MYO1E: variants seen among roughly 807,000 people sequenced by gnomAD.
MYO1E encodes myosin IE.
In MYO1E, 68 loss-of-function variants were observed where a neutral mutation model predicts 151.1. The ratio of observed to expected loss-of-function variants is 0.45; its 90% confidence interval spans 0.37 to 0.55. The LOEUF is 0.55. Among genes scored for constraint, MYO1E ranks in the 20% least tolerant of loss-of-function variants. The pLI, the probability that MYO1E is intolerant of heterozygous loss-of-function variation, is 0.00. For synonymous variants in MYO1E, 601 were observed against 501.7 expected, an observed-to-expected ratio of 1.20 and a Z score of -2.64; for missense variants, 1,363 against 1,389.3, an observed-to-expected ratio of 0.98 and a Z score of 0.30.
chr15:59,161,297 G>A, intron 23 of MYO1E, 67 bp from the exon 24 acceptor site: 10 of 1,531,636 alleles, frequency 6.5e-6, no homozygotes, highest in African/African-American at 1.4e-5. Flanking sequence ...CAGAGATCCC[G>A]CCACGGAGTT....
chr15:59,338,836 T>A (rs542936255), intron 1 of MYO1E, among the ~76,000 whole-genome samples: 45 of 152,126 alleles, frequency 3.0e-4, no homozygotes, highest in Non-Finnish European at 5.4e-4. Context: ...GTGCACCCTA[T>A]AAATAAAACA....
At chr15:59,257,928 A>C (rs1644904240) in intron 3 of MYO1E, among the ~76,000 whole-genome samples, 1 of 152,238 alleles carries the variant, frequency 6.6e-6, no homozygotes, top group Admixed American at 6.5e-5. Context: ...TTAATTTAAC[A>C]GAGTTTAACT....
chr15:59,372,474 T>G, intron 1 of MYO1E, 24 bp downstream of exon 1: 1 of 1,538,198 alleles, frequency 6.5e-7, no homozygotes, highest in East Asian at 2.5e-5. Flanking sequence ...TCCGGCGTCC[T>G]AGGACGCGGC....
In MYO1E at chr15:59,171,359, C is replaced by T. The variant is rs190209744; in HGVS notation, c.2480+538G>A. On this transcript the variant is annotated intron_variant, in intron 22 of 27. Coordinates refer to ENST00000288235, the MANE Select transcript of MYO1E (RefSeq NM_004998.4). ...GAGGAGCAAGGGCCCTTCCTGAGGC[C>T]TTGTGGAAGCAAACACCACTCCCCA... The T allele has an allele frequency of 5.3e-4, 90 of 168,940 alleles. 1 individual carries two copies. The highest frequency in any genetic ancestry group is 2.0e-3 in the African/African-American group (85 of 41,718). 10.5% of individuals were successfully genotyped at this position (168,940 alleles called of 1,614,324 possible). A position where few individuals can be genotyped will look rare whatever the true frequency, so the allele number is the denominator to read the frequency against.
intron 4 of MYO1E, among the ~76,000 whole-genome samples, chr15:59,248,579 T>C (rs1278817840): frequency 6.8e-6 from 1 of 147,520 alleles, no homozygotes. Context: ...GCATAGGAAA[T>C]ATCCAAGGTC....
At chr15:59,340,225 G>A (rs1003345017) in intron 1 of MYO1E, among the ~76,000 whole-genome samples, 2 of 152,002 alleles carry the variant, frequency 1.3e-5, no homozygotes, top group African/African-American at 2.4e-5. Context: ...CATGAGGATC[G>A]CTTGAACCCA....
At chr15:59,280,035 T>C (rs780747371) in intron 1 of MYO1E, among the ~76,000 whole-genome samples, 2 of 152,226 alleles carry the variant, frequency 1.3e-5, no homozygotes, top group Admixed American at 6.5e-5. Context: ...GAATGAAATA[T>C]ATAAATGTCT....
chr15:59,214,507 A>G, intron 11 of MYO1E, 133 bp downstream of exon 11: 2 of 1,022,330 alleles, frequency 2.0e-6, no homozygotes, highest in Non-Finnish European at 3.1e-6. Context: ...GGCAAAAATG[A>G]GCCTGAGTTG....
At chr15:59,143,151 T>C (rs2079421011) in intron 26 of MYO1E, among the ~76,000 whole-genome samples, 1 of 152,148 alleles carries the variant, frequency 6.6e-6, no homozygotes, top group African/African-American at 2.4e-5. Context: ...ACCTCCGAAA[T>C]TACCCGGGGA....
intron 1 of MYO1E, among the ~76,000 whole-genome samples, chr15:59,341,579 AAGTG>A (rs764847899): frequency 2.1e-4 from 32 of 152,360 alleles, no homozygotes; most frequent in Middle Eastern, 3.4e-3. Flanking sequence ...TCCCACAAAT[AAGTG>A]AGAAAATATG....
intron 18 of MYO1E, among the ~76,000 whole-genome samples, chr15:59,184,314 C>T (rs745728617): frequency 7.2e-5 from 11 of 151,844 alleles, no homozygotes; most frequent in Non-Finnish European, 1.3e-4. Flanking sequence ...GCCTGGATCT[C>T]ATTATTTTTT....
intron 3 of MYO1E, among the ~76,000 whole-genome samples, chr15:59,260,334 G>A (rs1190350256): frequency 2.6e-5 from 4 of 152,246 alleles, no homozygotes; most frequent in Non-Finnish European, 4.4e-5. Flanking sequence ...ATTATCAAAG[G>A]TCTTTCGCGT....
At chr15:59,277,893 G>C (rs971808127) in intron 1 of MYO1E, among the ~76,000 whole-genome samples, 14 of 152,190 alleles carry the variant, frequency 9.2e-5, no homozygotes, top group Non-Finnish European at 1.9e-4. Flanking sequence ...TGCTATAATT[G>C]TTTTGTTGGT....
chr15:59,144,580 C>T (rs1285108054), intron 26 of MYO1E, among the ~76,000 whole-genome samples: 1 of 152,102 alleles, frequency 6.6e-6, no homozygotes, highest in East Asian at 1.9e-4. Context: ...CAGGTGTAAG[C>T]CACCGCACCG....
chr15:59,296,839 CTTT>C (rs10717328), intron 1 of MYO1E, among the ~76,000 whole-genome samples: 6 of 125,544 alleles, frequency 4.8e-5, no homozygotes, highest in Non-Finnish European at 3.3e-5. Flanking sequence ...ATACTTTTTT[CTTT>C]TTTTTTTTTT....
chr15:59,149,759 A>C (rs1217315633), intron 26 of MYO1E, among the ~76,000 whole-genome samples: 2 of 152,230 alleles, frequency 1.3e-5, no homozygotes, highest in Admixed American at 1.3e-4. Flanking sequence ...AAGGAAAGAT[A>C]AACTCAGAAT....
At position 59,334,284 on chromosome 15, in the gene MYO1E, A is replaced by AAAAT. The variant is rs1217370971; in HGVS notation, c.3+38210_3+38213dup. ...GGGTAACCAAATGAGACCCTGTCTC[A>AAAAT]AAATAAATAAATAAGTAAAAATAAC... On this transcript the variant is annotated intron_variant, in intron 1 of 27. Coordinates refer to ENST00000288235, the MANE Select transcript of MYO1E (RefSeq NM_004998.4). 5.3e-5 allele frequency among the ~76,000 whole-genome samples: 8 copies of AAAAT among 152,318 alleles called. No homozygotes were observed. The South Asian group carries it at 8.3e-4, about 16-fold the overall frequency.
chr15:59,362,553 A>G (rs1401554651), intron 1 of MYO1E, among the ~76,000 whole-genome samples: 1 of 152,254 alleles, frequency 6.6e-6, no homozygotes, highest in Non-Finnish European at 1.5e-5. Context: ...ATCATTTTGC[A>G]TTGATGCATA....
At chr15:59,241,315 C>T (rs373589010) in intron 4 of MYO1E, among the ~76,000 whole-genome samples, 6 of 152,104 alleles carry the variant, frequency 3.9e-5, no homozygotes, top group African/African-American at 9.7e-5. Flanking sequence ...TAGCAAACAG[C>T]AAGATCTCGT....
Sources: allele counts gnomAD v4.1 joint callset (sites outside exome capture counted in the v4.1 genomes callset), GRCh38; gene constraint gnomAD v4.1.1; transcripts MANE v1.5; gene names NCBI Gene and HGNC (gene_info 2026-07-23, HGNC 2026-07-21).